The following ADAM18 variants were observed in gnomAD, a reference collection of about 807,000 sequenced individuals.
The protein encoded by ADAM18 is disintegrin and metalloproteinase domain-containing protein 18.
A neutral mutation model predicts 94.4 loss-of-function variants in ADAM18; 117 were observed. The ratio of observed to expected loss-of-function variants is 1.24; its 90% CI spans 1.07 to 1.45. The LOEUF (loss-of-function observed/expected upper bound fraction) is 1.45, where lower values mean the gene tolerates loss of function less well. Ranked by LOEUF, ADAM18 falls within the 40% of genes most tolerant of loss-of-function variation. The pLI is 0.00. For synonymous variants in ADAM18, 327 were observed against 291.6 expected, an observed-to-expected ratio of 1.12 and a Z score of -1.24; for missense variants, 936 against 880.0, an observed-to-expected ratio of 1.06 and a Z score of -0.81.
intron 18 of ADAM18, among the ~76,000 whole-genome samples, chr8:39,708,222 T>A (rs142063698): frequency 6.6e-6 from 1 of 152,338 alleles, no homozygotes; most frequent in African/African-American, 2.4e-5. Context: ...AAACTGTAGA[T>A]AAGGGGGAGT....
intron 7 of ADAM18, among the ~76,000 whole-genome samples, chr8:39,636,574 A>AT (rs1374809889): frequency 9.2e-5 from 14 of 152,222 alleles, no homozygotes; most frequent in Non-Finnish European, 1.5e-4. Flanking sequence ...TTAAAAGTAT[A>AT]TATGTTTAAG....
chr8:39,655,563 A>T (rs569004025), intron 12 of ADAM18, among the ~76,000 whole-genome samples: 29 of 152,248 alleles, frequency 1.9e-4, no homozygotes, highest in Middle Eastern at 3.4e-3. Context: ...CATGCATAAC[A>T]GTTGTTCTCA....
intron 18 of ADAM18, among the ~76,000 whole-genome samples, chr8:39,711,749 G>C (rs1413534023): frequency 1.3e-5 from 2 of 151,790 alleles, no homozygotes; most frequent in Non-Finnish European, 2.9e-5. Flanking sequence ...TTTGATCAGG[G>C]CCCAAGAGAC....
chr8:39,629,815 A>G (rs1207174890), intron 7 of ADAM18, among the ~76,000 whole-genome samples: 3 of 151,856 alleles, frequency 2.0e-5, no homozygotes, highest in Non-Finnish European at 4.4e-5. Flanking sequence ...GGGGTGTTAG[A>G]TAAATCAACA....
chr8:39,588,107 T>C (rs560026548), intron 2 of ADAM18, among the ~76,000 whole-genome samples: 26 of 152,198 alleles, frequency 1.7e-4, no homozygotes, highest in Non-Finnish European at 3.4e-4. Context: ...TTGTGGAACC[T>C]CCATACTGGT....
chr8:39,586,416 C>G (rs1818393214), intron 2 of ADAM18, among the ~76,000 whole-genome samples: 1 of 152,220 alleles, frequency 6.6e-6, no homozygotes, highest in Admixed American at 6.5e-5. Context: ...ATTTCCACTA[C>G]AGTAAGCTGC....
intron 6 of ADAM18, among the ~76,000 whole-genome samples, chr8:39,617,467 C>T (rs1420127468): frequency 6.6e-6 from 1 of 152,148 alleles, no homozygotes; most frequent in African/African-American, 2.4e-5. Flanking sequence ...TATCATTCGA[C>T]CCAGCAACTC....
chr8:39,587,042 A>G (rs1035422575), intron 2 of ADAM18, among the ~76,000 whole-genome samples: 3 of 152,172 alleles, frequency 2.0e-5, no homozygotes, highest in Non-Finnish European at 2.9e-5. Flanking sequence ...ATAGGGTATT[A>G]TTTTCATGTT....
intron 13 of ADAM18, among the ~76,000 whole-genome samples, chr8:39,664,951 G>A (rs1375094470): frequency 1.3e-5 from 2 of 151,770 alleles, no homozygotes; most frequent in Non-Finnish European, 2.9e-5. Flanking sequence ...AGCTATTAAT[G>A]TATAATTTAA....
At chr8:39,713,015 C>T (rs895348303) in intron 18 of ADAM18, among the ~76,000 whole-genome samples, 12 of 152,174 alleles carry the variant, frequency 7.9e-5, no homozygotes, top group Admixed American at 7.9e-4. Flanking sequence ...AAGCTGGAGG[C>T]ATCACCCTCC....
chr8:39,618,391 G>T (rs1370565419), intron 6 of ADAM18, among the ~76,000 whole-genome samples: 1 of 152,200 alleles, frequency 6.6e-6, no homozygotes, highest in Non-Finnish European at 1.5e-5. Flanking sequence ...ATGGTCACAT[G>T]GGGATGAACT....
At chr8:39,724,008 A>G (rs568005194) in intron 19 of ADAM18, 101 bp downstream of exon 19, 3 of 768,136 alleles carry the variant, frequency 3.9e-6, no homozygotes, top group Admixed American at 3.7e-5. Flanking sequence ...TCTTAAATAT[A>G]CTATTTTAAA....
At chr8:39,716,444 T>C (rs891193898) in intron 18 of ADAM18, among the ~76,000 whole-genome samples, 3 of 152,046 alleles carry the variant, frequency 2.0e-5, no homozygotes, top group African/African-American at 7.2e-5. Context: ...TTTTGTTTTC[T>C]TCTTTGACAC....
Position 39,688,619 on chromosome 8 carries a change from T to C in ADAM18, c.1822-3981T>C, listed in dbSNP as rs546066316. Among the ~76,000 whole-genome samples the C allele has an allele frequency of 6.8e-4, 104 of 152,342 alleles. 1 individual carries two copies. The highest frequency in any genetic ancestry group is 2.3e-3 in the African/African-American group (95 of 41,584). On this transcript the variant is annotated intron_variant, in intron 16 of 19. Transcript: ENST00000265707. ...TAGTGTATATGTAGCACATTTTCTT[T>C]ATCCAATCTGTCATTGATGGGCATT...
chr8:39,712,281 T>A (rs1027937486), intron 18 of ADAM18, among the ~76,000 whole-genome samples: 1 of 152,110 alleles, frequency 6.6e-6, no homozygotes, highest in East Asian at 1.9e-4. Flanking sequence ...TAGGTATTGA[T>A]GGAATGTATC....
chr8:39,704,860 G>C (rs1364202400), intron 17 of ADAM18, among the ~76,000 whole-genome samples: 1 of 151,772 alleles, frequency 6.6e-6, no homozygotes, highest in Non-Finnish European at 1.5e-5. Context: ...ACAGTTAAAA[G>C]TATAATATAT....
chr8:39,673,501 C>T lies in ADAM18; in HGVS notation c.1526-3930C>T, dbSNP rs2198203. Among the ~76,000 whole-genome samples, 402 of 151,398 alleles carry T rather than the reference C, an allele frequency of 2.7e-3. 1 individual carries two copies. The highest frequency in any genetic ancestry group is 8.4e-3 in the South Asian group (40 of 4,776). On this transcript the variant is annotated intron_variant, in intron 14 of 19. Transcript: ENST00000265707. ...CCCCCCAACAAGCCCCAGCATGTGA[C>T]GTTCCCCGCCCTGTGTCCAAGTTAT... is the stretch of plus-strand genomic sequence containing the variant.
chr8:39,697,338 A>G (rs1274065408), intron 17 of ADAM18, among the ~76,000 whole-genome samples: 7 of 151,468 alleles, frequency 4.6e-5, no homozygotes, highest in South Asian at 4.2e-4. Flanking sequence ...TTTCTTTCCA[A>G]TTTGGTTGCC....
At chr8:39,722,217 G>GTATATA (rs61542840) in intron 18 of ADAM18, among the ~76,000 whole-genome samples, 15 of 91,518 alleles carry the variant, frequency 1.6e-4, no homozygotes, top group East Asian at 3.9e-4. Flanking sequence ...GTGTGTGTGT[G>GTATATA]TATATATATA....
Sources: gnomAD v4.1 joint callset for allele counts (sites outside exome capture counted in the v4.1 genomes callset) on GRCh38, gnomAD v4.1.1 for gene constraint, MANE v1.5 for transcripts, NCBI Gene and HGNC (gene_info 2026-07-23, HGNC 2026-07-21) for gene names.